PCDHGB5: variants seen among roughly 807,000 people sequenced by gnomAD.
The protein encoded by PCDHGB5 is protocadherin gamma subfamily B, 5, also known as protocadherin gamma-B5.
PCDHGB5 carries 48 observed loss-of-function variants against 62.9 expected under a neutral mutation model. The observed-to-expected ratio is 0.76, with a 90% CI of 0.61 to 0.97. PCDHGB5 has a LOEUF of 0.97. Ranked by LOEUF, PCDHGB5 falls within the 50% of genes least tolerant of loss-of-function variation. PCDHGB5 has a pLI of 0.00. For missense variants in PCDHGB5, 1,118 were observed against 1,198.6 expected, an observed-to-expected ratio of 0.93 and a Z score of 0.99; for synonymous variants, 474 against 511.2, an observed-to-expected ratio of 0.93 and a Z score of 0.98.
Position 141,490,835 on chromosome 5 carries a change from T to C in PCDHGB5, c.2398-3972T>C, listed in dbSNP as rs1284804400. 4 of 1,613,728 alleles carry C rather than the reference T, an allele frequency of 2.5e-6. No individual in the cohort carries two copies. The highest frequency in any genetic ancestry group is 1.1e-5 in the South Asian group (1 of 91,076). On this transcript the variant is annotated intron_variant, in intron 1 of 3. Transcript: ENST00000617380. This position sits in a 1 kb window ranked among gnomAD's most constrained non-coding sequence, Gnocchi z 5.4. ...TATGAATTGCTGCAGATGCTGCAGATTGTGGTGGGGGTTCGAGACTCCGGC... is the reference window on the plus strand; with the variant it reads ...TATGAATTGCTGCAGATGCTGCAGACTGTGGTGGGGGTTCGAGACTCCGGC...
intron 1 of PCDHGB5, chr5:141,420,342 T>C: frequency 7.2e-7 from 1 of 1,388,390 alleles, no homozygotes; most frequent in Non-Finnish European, 9.6e-7. Flanking sequence ...AATATAGTGG[T>C]ATTATTTTAA....
intron 2 of PCDHGB5, among the ~76,000 whole-genome samples, chr5:141,498,191 A>G (rs2099782212): frequency 6.6e-6 from 1 of 152,270 alleles, no homozygotes; most frequent in African/African-American, 2.4e-5. Flanking sequence ...CAAATTAACC[A>G]GCTAAAGAAA....
At chr5:141,419,826 C>T in intron 1 of PCDHGB5, 1 of 1,614,066 alleles carries the variant, frequency 6.2e-7, no homozygotes, top group Non-Finnish European at 8.5e-7. Flanking sequence ...CCCCTTTCAG[C>T]CACTGCCACG....
chr5:141,401,350 A>G (rs1046893336), intron 1 of PCDHGB5, among the ~76,000 whole-genome samples: 2 of 152,226 alleles, frequency 1.3e-5, no homozygotes, highest in Non-Finnish European at 2.9e-5. Flanking sequence ...CTCAAAAAAA[A>G]GGAAGGAGAA....
At chr5:141,415,458 C>T in intron 1 of PCDHGB5, 5 of 1,614,204 alleles carry the variant, frequency 3.1e-6, no homozygotes, top group Non-Finnish European at 4.2e-6. Flanking sequence ...CCCACGAGGT[C>T]TCTCTCACCG....
At position 141,511,238 on chromosome 5, in the gene PCDHGB5, G is replaced by A; in HGVS notation, c.*65G>A. ...CAACCAGCCCAGCTTCTCCTTACCT[G>A]CACCCAGGCCTCAGAGTTTCAGGGC... On this transcript the variant is annotated 3_prime_UTR_variant, in exon 4 of 4. Coordinates refer to ENST00000617380, the MANE Select transcript of PCDHGB5 (RefSeq NM_018925.3). 6.3e-7 allele frequency: 1 copy of A among 1,589,142 alleles called. No homozygotes were observed. The highest frequency in any genetic ancestry group is 2.3e-5 in the East Asian group (1 of 43,302).
At chr5:141,422,044 G>A (rs780284162) in intron 1 of PCDHGB5, 1 of 1,611,530 alleles carries the variant, frequency 6.2e-7, no homozygotes, top group Non-Finnish European at 8.5e-7. Flanking sequence ...TCCAGACGAG[G>A]GAATCAACGG....
intron 1 of PCDHGB5, chr5:141,417,732 C>G (rs2096153715): frequency 4.3e-6 from 6 of 1,390,462 alleles, no homozygotes; most frequent in Non-Finnish European, 3.8e-6. Flanking sequence ...AGACCTTGCC[C>G]AGCACACCAG....
chr5:141,467,055 CTTTT>C (rs1193465269), intron 1 of PCDHGB5, among the ~76,000 whole-genome samples: 5 of 134,484 alleles, frequency 3.7e-5, no homozygotes, highest in Non-Finnish European at 4.9e-5. Context: ...TCAATGTTTT[CTTTT>C]TTTTTTTTTT....
chr5:141,448,928 G>C (rs2098617520), intron 1 of PCDHGB5, among the ~76,000 whole-genome samples: 1 of 152,166 alleles, frequency 6.6e-6, no homozygotes, highest in Non-Finnish European at 1.5e-5. Context: ...CTGGGCGACA[G>C]AGCAAGACTG....
rs2099661624 is a variant in PCDHGB5, at chr5:141,487,712, G to A, written c.2398-7095G>A. The stretch of plus-strand genomic sequence containing the variant: ...AGAGAGTACTGGCCTCTCAGTAAGT[G>A]CCCATAGTGATGTCACCATTTTTGT... On this transcript the variant is annotated intron_variant, in intron 1 of 3. Coordinates refer to ENST00000617380, the MANE Select transcript of PCDHGB5 (RefSeq NM_018925.3). The surrounding 1 kb of genome is among the most constrained non-coding windows in gnomAD (Gnocchi z 5.0). The A allele has an allele frequency of 5.0e-6, 8 of 1,585,892 alleles. No individual in the cohort carries two copies. The highest frequency in any genetic ancestry group is 1.1e-5 in the South Asian group (1 of 87,950).
At chr5:141,459,737 A>T (rs2098974670) in intron 1 of PCDHGB5, among the ~76,000 whole-genome samples, 1 of 152,176 alleles carries the variant, frequency 6.6e-6, no homozygotes, top group African/African-American at 2.4e-5. Flanking sequence ...CAATTTTTTA[A>T]ATTTTAGCAA....
At chr5:141,419,585 G>C (rs2096403161) in intron 1 of PCDHGB5, 8 of 1,611,776 alleles carry the variant, frequency 5.0e-6, no homozygotes, top group Non-Finnish European at 6.8e-6. Flanking sequence ...CGCGCTCTTC[G>C]ACACAGTGCC....
rs2099417733 is a variant in PCDHGB5, at chr5:141,477,771, G to C, written c.2398-17036G>C. ...ACCCCGGTCCTAGCCACCAACATCAGCGTGAACATATTTGTCACTGATCGC... is the reference window on the plus strand; with the variant it reads ...ACCCCGGTCCTAGCCACCAACATCACCGTGAACATATTTGTCACTGATCGC... On this transcript the variant is annotated intron_variant, in intron 1 of 3. Transcript: ENST00000617380. This position sits in a 1 kb window ranked among gnomAD's most constrained non-coding sequence, Gnocchi z 4.9. 3 of 1,613,992 alleles carry C rather than the reference G, an allele frequency of 1.9e-6. No homozygotes were observed. The highest frequency in any genetic ancestry group is 3.3e-4 in the Middle Eastern group (2 of 6,062).
chr5:141,430,661 GCT>G, intron 1 of PCDHGB5: 1 of 1,159,744 alleles, frequency 8.6e-7, no homozygotes, highest in South Asian at 2.1e-5. Flanking sequence ...CAACGGAGGA[GCT>G]CTGACTTCCC....
intron 1 of PCDHGB5, among the ~76,000 whole-genome samples, chr5:141,447,275 G>A (rs2098532748): frequency 1.3e-5 from 2 of 152,154 alleles, no homozygotes; most frequent in South Asian, 2.1e-4. Context: ...AAGTAGCTGG[G>A]ACTACAGGCA....
intron 2 of PCDHGB5, among the ~76,000 whole-genome samples, chr5:141,497,050 G>A (rs113054804): frequency 6.6e-5 from 10 of 152,096 alleles, no homozygotes; most frequent in East Asian, 5.8e-4. Context: ...TTAGCCAGGC[G>A]TGGTGGCAGG....
intron 1 of PCDHGB5, chr5:141,423,620 C>G: frequency 6.2e-7 from 1 of 1,608,268 alleles, no homozygotes; most frequent in Non-Finnish European, 8.5e-7. Flanking sequence ...GCTGAAGACT[C>G]AGCTATCATT....
rs769607720 is a variant in PCDHGB5 at position 141,489,346 on chromosome 5, G to A, written c.2398-5461G>A. 4 of 1,611,652 alleles carry A rather than the reference G, an allele frequency of 2.5e-6. No individual in the cohort carries two copies. The highest frequency in any genetic ancestry group is 3.4e-6 in the Non-Finnish European group (4 of 1,178,446). On this transcript the variant is annotated intron_variant, in intron 1 of 3. Transcript: ENST00000617380. The surrounding 1 kb of genome is among the most constrained non-coding windows in gnomAD (Gnocchi z 4.5). Reference sequence around the variant, plus strand: ...GTCTGGGCAGCTTCGTTACTCAGTGGTGGAGGAGTCTGAGCCGGGGACGCT... The same window carrying A: ...GTCTGGGCAGCTTCGTTACTCAGTGATGGAGGAGTCTGAGCCGGGGACGCT...
Sources: allele counts gnomAD v4.1 joint callset (sites outside exome capture counted in the v4.1 genomes callset), GRCh38; gene constraint gnomAD v4.1.1; non-coding constraint Gnocchi (gnomAD v3.1); transcripts MANE v1.5; gene names NCBI Gene and HGNC (gene_info 2026-07-23, HGNC 2026-07-21).